Variants in NRXN1 observed in about 807,000 individuals in gnomAD.
The protein encoded by NRXN1 is neurexin-1.
NRXN1 carries 39 observed loss-of-function variants against 150.9 expected under a neutral mutation model. That is an observed-to-expected ratio of 0.26 (90% confidence interval 0.20 to 0.34). NRXN1 has a LOEUF of 0.34. Ranked by LOEUF, NRXN1 falls within the 10% of genes least tolerant of loss-of-function variation. The probability of loss-of-function intolerance (pLI) is 1.00; values close to 1 mark genes in which losing one functional copy is unlikely to be tolerated. For missense variants in NRXN1, 1,815 were observed against 1,949.9 expected (o/e 0.93, Z 1.30); for synonymous variants, 924 against 757.0 (o/e 1.22, Z -3.62).
At chr2:50,121,171 G>A (rs1036018134) in intron 18 of NRXN1, among the ~76,000 whole-genome samples, 2 of 152,076 alleles carry the variant, frequency 1.3e-5, no homozygotes, top group African/African-American at 4.8e-5. Context: ...TTAGAGGTGT[G>A]CCACCAAACC....
At chr2:50,968,311 AT>A (rs1473761778) in intron 2 of NRXN1, among the ~76,000 whole-genome samples, 1 of 152,120 alleles carries the variant, frequency 6.6e-6, no homozygotes, top group African/African-American at 2.4e-5. Context: ...ATGATACTGT[AT>A]ATTTGTATTC....
At chr2:50,757,145 G>T (rs576615720) in intron 5 of NRXN1, among the ~76,000 whole-genome samples, 1 of 151,752 alleles carries the variant, frequency 6.6e-6, no homozygotes. Context: ...TCTCAGTTGC[G>T]CAAAGAAGCA....
At chr2:49,975,129 A>G (rs906616795) in intron 21 of NRXN1, among the ~76,000 whole-genome samples, 2 of 150,682 alleles carry the variant, frequency 1.3e-5, no homozygotes, top group Non-Finnish European at 1.5e-5. Context: ...TATTATATAT[A>G]TGATTATATA....
intron 2 of NRXN1, among the ~76,000 whole-genome samples, chr2:51,013,828 G>C (rs574288482): frequency 2.0e-5 from 3 of 152,042 alleles, no homozygotes; most frequent in Non-Finnish European, 2.9e-5. Context: ...CATTTCCATT[G>C]TTTAGTCCTC....
intron 21 of NRXN1, among the ~76,000 whole-genome samples, chr2:49,962,763 G>A (rs1404809687): frequency 6.6e-6 from 1 of 152,056 alleles, no homozygotes; most frequent in Non-Finnish European, 1.5e-5. Context: ...GACCATCCTG[G>A]CTAACACGGT....
intron 21 of NRXN1, among the ~76,000 whole-genome samples, chr2:49,978,664 G>T (rs574982576): frequency 6.7e-6 from 1 of 149,132 alleles, no homozygotes; most frequent in African/African-American, 2.5e-5. Context: ...CTGGGGGAGG[G>T]AGGGCAGAGG....
chr2:50,799,221 T>C lies in NRXN1; in HGVS notation c.832+122648A>G, dbSNP rs921108508. On this transcript the variant is annotated intron_variant, in intron 5 of 22. Transcript: ENST00000401669. ...ATTCATCGGTCAATGGATGAGTTAT[T>C]TGTGTACTTTGTTCCATGAAGACAT... Among the ~76,000 whole-genome samples, 3 of 152,218 alleles carry C rather than the reference T, an allele frequency of 2.0e-5. No homozygotes were observed. The East Asian group carries it at 5.8e-4, about 29-fold the overall frequency.
chr2:50,959,234 T>G (rs1323217099), intron 2 of NRXN1, among the ~76,000 whole-genome samples: 2 of 152,072 alleles, frequency 1.3e-5, no homozygotes, highest in Non-Finnish European at 2.9e-5. Context: ...AGTTACCACA[T>G]GACCCAGTGA....
At chr2:50,555,907 G>A (rs778868769) in intron 8 of NRXN1, among the ~76,000 whole-genome samples, 19 of 152,068 alleles carry the variant, frequency 1.2e-4, no homozygotes, top group Non-Finnish European at 2.1e-4. Context: ...CTTTTAGAAC[G>A]AAGAATGCCT....
At chr2:50,597,561 C>T (rs1234864874) in intron 8 of NRXN1, among the ~76,000 whole-genome samples, 2 of 152,122 alleles carry the variant, frequency 1.3e-5, no homozygotes, top group Non-Finnish European at 2.9e-5. Flanking sequence ...CCCACGTCTC[C>T]TCATTAAACT....
intron 21 of NRXN1, among the ~76,000 whole-genome samples, chr2:50,006,201 CT>C (rs1466360333): frequency 6.6e-6 from 1 of 152,060 alleles, no homozygotes; most frequent in Non-Finnish European, 1.5e-5. Flanking sequence ...GGCAATGTTC[CT>C]CTTGCCTACA....
At chr2:50,237,016 T>C (rs1174116212) in intron 17 of NRXN1, 46 bp from the exon 18 acceptor site, 7 of 1,578,088 alleles carry the variant, frequency 4.4e-6, no homozygotes, top group African/African-American at 1.3e-5. Context: ...ACATCAAGTC[T>C]GCACATTAGC....
At chr2:50,164,814 C>T (rs2059575976) in intron 18 of NRXN1, among the ~76,000 whole-genome samples, 1 of 152,100 alleles carries the variant, frequency 6.6e-6, no homozygotes, top group Non-Finnish European at 1.5e-5. Context: ...CTCCGTTCTC[C>T]GTCAAAACAC....
chr2:50,491,833 A>AT (rs2091272835), intron 15 of NRXN1, among the ~76,000 whole-genome samples: 1 of 152,182 alleles, frequency 6.6e-6, no homozygotes, highest in Non-Finnish European at 1.5e-5. Flanking sequence ...AACTTAGCTA[A>AT]TGCTTTAAAG....
At chr2:50,828,695 A>G (rs1302573737) in intron 5 of NRXN1, among the ~76,000 whole-genome samples, 4 of 150,132 alleles carry the variant, frequency 2.7e-5, no homozygotes, top group African/African-American at 9.9e-5. Context: ...GGTGCTCCTC[A>G]CTTCCTAGAT....
intron 18 of NRXN1, among the ~76,000 whole-genome samples, chr2:50,118,802 T>C (rs1198640965): frequency 1.3e-5 from 2 of 152,156 alleles, no homozygotes; most frequent in African/African-American, 4.8e-5. Context: ...GACAGTGACA[T>C]AGTCTAGGAC....
At chr2:50,933,341 T>C (rs985732298) in intron 2 of NRXN1, among the ~76,000 whole-genome samples, 2 of 152,148 alleles carry the variant, frequency 1.3e-5, no homozygotes, top group Non-Finnish European at 2.9e-5. Context: ...ACATAAAATA[T>C]ATTTGCTCTT....
At chr2:50,887,068 T>A (rs1559395735) in intron 5 of NRXN1, among the ~76,000 whole-genome samples, 1 of 151,452 alleles carries the variant, frequency 6.6e-6, no homozygotes, top group Non-Finnish European at 1.5e-5. Context: ...CTTTTAAGAA[T>A]ATATTTTTCT....
chr2:50,686,075 G>C (rs995502089), intron 5 of NRXN1, among the ~76,000 whole-genome samples: 2 of 152,130 alleles, frequency 1.3e-5, no homozygotes, highest in South Asian at 4.2e-4. Context: ...GCCACAACTA[G>C]AAATACATTT....
Sources: gnomAD v4.1 joint callset for allele counts (sites outside exome capture counted in the v4.1 genomes callset) on GRCh38, gnomAD v4.1.1 for gene constraint, MANE v1.5 for transcripts, NCBI Gene and HGNC (gene_info 2026-07-23, HGNC 2026-07-21) for gene names.